Variants in RIMS4 observed in about 807,000 individuals in gnomAD.
RIMS4 encodes regulating synaptic membrane exocytosis 4.
A neutral mutation model predicts 29.0 loss-of-function variants in RIMS4; 9 were observed. The observed-to-expected ratio is 0.31, with a 90% confidence interval of 0.19 to 0.54. The LOEUF (loss-of-function observed/expected upper bound fraction) is 0.54. Ranked by LOEUF, RIMS4 falls within the 20% of genes least tolerant of loss-of-function variation. The pLI, the probability that RIMS4 is intolerant of heterozygous loss-of-function variation, is 0.94. For synonymous variants in RIMS4, 130 were observed against 152.9 expected (o/e 0.85, Z 1.10); for missense variants, 193 against 365.7 (o/e 0.53, Z 3.85).
At chr20:44,794,178 C>T (rs188090448) in intron 1 of RIMS4, among the ~76,000 whole-genome samples, 1 of 152,340 alleles carries the variant, frequency 6.6e-6, no homozygotes, top group African/African-American at 2.4e-5. Context: ...AGGGGTGATT[C>T]CTTTGGGAAC....
intron 2 of RIMS4, among the ~76,000 whole-genome samples, chr20:44,768,535 T>G (rs2145451634): frequency 6.6e-6 from 1 of 152,342 alleles, no homozygotes; most frequent in South Asian, 2.1e-4. Flanking sequence ...GAACAAGAAG[T>G]CTGACCACAG....
At chr20:44,802,274 G>C (rs560812424) in intron 1 of RIMS4, among the ~76,000 whole-genome samples, 1 of 152,240 alleles carries the variant, frequency 6.6e-6, no homozygotes, top group South Asian at 2.1e-4. Flanking sequence ...TCCAGCTCTG[G>C]GTTAGGTGTG....
At chr20:44,761,038 C>T (rs1411132776) in intron 2 of RIMS4, among the ~76,000 whole-genome samples, 2 of 152,068 alleles carry the variant, frequency 1.3e-5, no homozygotes, top group Non-Finnish European at 2.9e-5. Context: ...CACAGATTCT[C>T]TCCACATAAA....
chr20:44,768,694 C>A (rs2066124191), intron 2 of RIMS4, among the ~76,000 whole-genome samples: 1 of 152,206 alleles, frequency 6.6e-6, no homozygotes, highest in Non-Finnish European at 1.5e-5. Flanking sequence ...CACCCTCCAA[C>A]CCACCTGATA....
chr20:44,796,417 G>C (rs539426360), intron 1 of RIMS4, among the ~76,000 whole-genome samples: 1 of 152,274 alleles, frequency 6.6e-6, no homozygotes, highest in East Asian at 1.9e-4. Flanking sequence ...GAAATAGAGT[G>C]GGGAGGAAGG....
At chr20:44,805,131 T>C (rs1181392684) in intron 1 of RIMS4, among the ~76,000 whole-genome samples, 1 of 151,330 alleles carries the variant, frequency 6.6e-6, no homozygotes, top group Non-Finnish European at 1.5e-5. Context: ...AAACCCCATC[T>C]CTACAAAAAG....
At chr20:44,784,083 C>A (rs1325998975) in intron 1 of RIMS4, among the ~76,000 whole-genome samples, 1 of 152,174 alleles carries the variant, frequency 6.6e-6, no homozygotes, top group Non-Finnish European at 1.5e-5. Context: ...GTCAAGGAGC[C>A]CACAGGCAGG....
chr20:44,810,063 C>T, intron 1 of RIMS4, 112 bp downstream of exon 1: 1 of 452,622 alleles, frequency 2.2e-6, no homozygotes, highest in Non-Finnish European at 4.1e-6. Flanking sequence ...ACCCTGGGGG[C>T]GCCTTCCCAG....
chr20:44,783,050 T>C (rs921184374), intron 1 of RIMS4, among the ~76,000 whole-genome samples: 4 of 152,184 alleles, frequency 2.6e-5, no homozygotes, highest in African/African-American at 9.7e-5. Context: ...TTATAAACAA[T>C]ACTCTGAGAT....
In RIMS4 at chr20:44,810,501, CGGCGGCGGCGGCGGT is replaced by C. The variant is rs1328897938; in HGVS notation, c.-245_-231del. On this transcript the variant is annotated 5_prime_UTR_variant, in exon 1 of 6. Coordinates refer to ENST00000372851, the MANE Select transcript of RIMS4 (RefSeq NM_182970.4). ...AGGCGCGCTGTGCTGCTGGCGGCGG[CGGCGGCGGCGGCGGT>C]GGCGGCGGCGGTGGCGGCGCAGCGC... Among the ~76,000 whole-genome samples the C allele has an allele frequency of 1.1e-4, 16 of 140,634 alleles. No homozygotes were observed. The highest frequency in any genetic ancestry group is 4.9e-4 in the Admixed American group (7 of 14,268). 92.3% of individuals were successfully genotyped at this position (140,634 alleles called of 152,430 possible).
At chr20:44,783,934 C>T (rs753995164) in intron 1 of RIMS4, among the ~76,000 whole-genome samples, 44 of 152,262 alleles carry the variant, frequency 2.9e-4, no homozygotes, top group Non-Finnish European at 4.3e-4. Flanking sequence ...ATATTAAAAC[C>T]CACTGAATTG....
chr20:44,786,882 T>C (rs575289402), intron 1 of RIMS4, among the ~76,000 whole-genome samples: 1 of 152,334 alleles, frequency 6.6e-6, no homozygotes, highest in African/African-American at 2.4e-5. Flanking sequence ...ACTCACAAAG[T>C]ATTTTTTTTG....
intron 1 of RIMS4, among the ~76,000 whole-genome samples, chr20:44,799,002 C>T (rs528361197): frequency 2.0e-5 from 3 of 152,344 alleles, no homozygotes; most frequent in Non-Finnish European, 4.4e-5. Context: ...GAAGAAGGTA[C>T]ATGTTAAATT....
intron 1 of RIMS4, among the ~76,000 whole-genome samples, chr20:44,799,953 A>G (rs2066270656): frequency 6.6e-6 from 1 of 152,184 alleles, no homozygotes; most frequent in African/African-American, 2.4e-5. Context: ...TTATTCATCT[A>G]ATCCTCTTGA....
chr20:44,760,540 C>T (rs1439023706), intron 2 of RIMS4, among the ~76,000 whole-genome samples: 1 of 152,086 alleles, frequency 6.6e-6, no homozygotes, highest in Non-Finnish European at 1.5e-5. Flanking sequence ...AGATCACGTT[C>T]CAGGAGACAC....
At chr20:44,801,426 C>T (rs2066276755) in intron 1 of RIMS4, among the ~76,000 whole-genome samples, 1 of 152,096 alleles carries the variant, frequency 6.6e-6, no homozygotes, top group African/African-American at 2.4e-5. Context: ...TCAGTAAACT[C>T]CCCCGGGAGC....
At chr20:44,779,865 T>C (rs1442680364) in intron 1 of RIMS4, among the ~76,000 whole-genome samples, 1 of 152,184 alleles carries the variant, frequency 6.6e-6, no homozygotes, top group Non-Finnish European at 1.5e-5. Context: ...AGACTATCAT[T>C]CAGCAGGAAG....
At chr20:44,776,399 G>T (rs185066997) in intron 1 of RIMS4, among the ~76,000 whole-genome samples, 1 of 152,156 alleles carries the variant, frequency 6.6e-6, no homozygotes, top group Admixed American at 6.5e-5. Context: ...GCTCTCCCTC[G>T]CAGTCTCTAT....
chr20:44,789,226 A>C (rs534526385), intron 1 of RIMS4, among the ~76,000 whole-genome samples: 66 of 152,340 alleles, frequency 4.3e-4, no homozygotes, highest in Non-Finnish European at 5.6e-4. Context: ...AAATCAAGAG[A>C]GCATTTTGTG....
Sources: allele counts gnomAD v4.1 joint callset (sites outside exome capture counted in the v4.1 genomes callset), GRCh38; gene constraint gnomAD v4.1.1; transcripts MANE v1.5; gene names NCBI Gene and HGNC (gene_info 2026-07-23, HGNC 2026-07-21).